The following UBE2Q2 variants were observed in gnomAD, a reference collection of about 807,000 sequenced individuals.
UBE2Q2 encodes ubiquitin-conjugating enzyme E2 Q2.
In UBE2Q2, 54 loss-of-function variants were observed where a neutral mutation model predicts 59.9. The observed-to-expected ratio is 0.90, with a 90% CI of 0.72 to 1.13. UBE2Q2 has a LOEUF of 1.13. Among genes scored for constraint, UBE2Q2 ranks in the 50% most tolerant of loss-of-function variants. UBE2Q2 has a pLI of 0.00. For missense variants in UBE2Q2, 433 were observed against 441.9 expected, an observed-to-expected ratio of 0.98 and a Z score of 0.18; for synonymous variants, 165 against 155.2, an observed-to-expected ratio of 1.06 and a Z score of -0.47.
chr15:75,879,477 T>A (rs947552344), intron 8 of UBE2Q2, among the ~76,000 whole-genome samples: 2 of 152,208 alleles, frequency 1.3e-5, no homozygotes, highest in African/African-American at 2.4e-5. Flanking sequence ...TGGGACAAGA[T>A]GGGTGGATCT....
Position 75,843,589 on chromosome 15 carries a change from T to A in UBE2Q2, c.-78T>A. 7.8e-6 allele frequency: 10 copies of A among 1,283,948 alleles called. No individual in the cohort carries two copies. Among genetic ancestry groups the A allele is most frequent in the Non-Finnish European group, 1.0e-5 (10 of 970,010 alleles). The allele number at this position is 1,283,948 out of a possible 1,614,324, so 79.5% of individuals were successfully genotyped here. On this transcript the variant is annotated 5_prime_UTR_variant, in exon 1 of 13. Transcript: ENST00000267938. ...CGGCCCCGCGGGGCGGTCGCGGCCG[T>A]GACGGCGGCTCCGGGCCCGGCTCCC... is the stretch of plus-strand genomic sequence containing the variant.
chr15:75,857,628 C>A (rs1206825842), intron 2 of UBE2Q2, among the ~76,000 whole-genome samples: 1 of 152,114 alleles, frequency 6.6e-6, no homozygotes, highest in Non-Finnish European at 1.5e-5. Context: ...ATTGACCCCT[C>A]TGCAGTATTT....
At chr15:75,870,820 C>T (rs971100933) in intron 4 of UBE2Q2, among the ~76,000 whole-genome samples, 3 of 152,076 alleles carry the variant, frequency 2.0e-5, no homozygotes, top group African/African-American at 4.8e-5. Flanking sequence ...GTCTTGAATT[C>T]GAGACAGGTG....
At chr15:75,879,692 C>T (rs989482934) in intron 8 of UBE2Q2, among the ~76,000 whole-genome samples, 1 of 151,970 alleles carries the variant, frequency 6.6e-6, no homozygotes, top group Admixed American at 6.6e-5. Context: ...CAAAGGGCCA[C>T]AGAACATAAA....
chr15:75,875,290 A>G (rs1898014791), intron 5 of UBE2Q2, among the ~76,000 whole-genome samples: 2 of 28,398 alleles, frequency 7.0e-5, no homozygotes, highest in South Asian at 4.7e-3. Context: ...GAGCTAGGAA[A>G]CTTGATTTTT....
At position 75,876,173 on chromosome 15, in the gene UBE2Q2, C is replaced by T. The variant is rs1364707572; in HGVS notation, c.589-14C>T. 3 of 1,612,632 alleles carry T rather than the reference C, an allele frequency of 1.9e-6. No individual in the cohort carries two copies. Among genetic ancestry groups the T allele is most frequent in the Non-Finnish European group, 2.5e-6 (3 of 1,179,436 alleles). ...CTCAGCAGACCCTGGTAAACAGTGG[C>T]TTTTGTGTTTCAGGGTGCAGTGTCT... On this transcript the variant is annotated splice_polypyrimidine_tract_variant and intron_variant, in intron 5 of 12. Coordinates refer to ENST00000267938, the MANE Select transcript of UBE2Q2 (RefSeq NM_173469.4).
At chr15:75,887,475 C>T (rs77078223) in intron 9 of UBE2Q2, among the ~76,000 whole-genome samples, 1 of 151,800 alleles carries the variant, frequency 6.6e-6, no homozygotes, top group Non-Finnish European at 1.5e-5. Context: ...AGCTATAACA[C>T]AAGGAGGGTA....
chr15:75,881,458 AC>A (rs1898423575), intron 8 of UBE2Q2, among the ~76,000 whole-genome samples: 1 of 152,088 alleles, frequency 6.6e-6, no homozygotes, highest in African/African-American at 2.4e-5. Context: ...GTGTTTCTGG[AC>A]CATGGCTCCT....
In UBE2Q2 at chr15:75,891,012, A is replaced by G; in HGVS notation, c.1027A>G (p.Lys343Glu). Residue 343 changes from lysine to glutamate, a missense_variant and splice_region_variant, in exon 11 of 13, where the codon AAG becomes GAG. Physicochemically the swap from Lys to Glu is moderately conservative, Grantham distance 56. Coordinates refer to ENST00000267938, the MANE Select transcript of UBE2Q2 (RefSeq NM_173469.4). Reference protein sequence around the residue: ...GKARVQFGANKNQYNLARAQQ... With the variant: ...GKARVQFGANENQYNLARAQQ... The stretch of plus-strand genomic sequence containing the variant: ...AGCCAGAGTGCAGTTTGGAGCAAAT[A>G]AGGTACTTCTGTTAAGAATTTTACA... The G allele has an allele frequency of 6.2e-7, 1 of 1,610,714 alleles. No homozygotes were observed. The highest frequency in any genetic ancestry group is 8.5e-7 in the Non-Finnish European group (1 of 1,178,714).
chr15:75,895,903 A>G (rs1899393841), intron 11 of UBE2Q2, among the ~76,000 whole-genome samples: 3 of 152,230 alleles, frequency 2.0e-5, no homozygotes, highest in Admixed American at 2.0e-4. Context: ...CTCAGCAGAT[A>G]TACGTACAAG....
At position 75,899,380 on chromosome 15, in the gene UBE2Q2, A is replaced by G. The variant is rs369673866; in HGVS notation, c.1097-47A>G. On this transcript the variant is annotated intron_variant, in intron 12 of 12. Coordinates refer to ENST00000267938, the MANE Select transcript of UBE2Q2 (RefSeq NM_173469.4). ...ACCTTATTACATGCCAGTTCTTCTA[A>G]TTTATTTAAGAATTATTTTAACTTT... 53 of 1,448,156 alleles carry G rather than the reference A, an allele frequency of 3.7e-5. No individual in the cohort carries two copies. The African/African-American group carries it at 7.6e-4, about 21-fold the overall frequency. The allele number at this position is 1,448,156 out of a possible 1,614,324, so 89.7% of individuals were successfully genotyped here.
At chr15:75,879,073 C>G (rs760975216) in intron 7 of UBE2Q2, 25 bp from the exon 8 acceptor site, 3 of 1,472,010 alleles carry the variant, frequency 2.0e-6, no homozygotes, top group Non-Finnish European at 2.7e-6. Context: ...TTTATTTGAA[C>G]TGTTTTTTGT....
chr15:75,846,562 A>G (rs1020160446), intron 1 of UBE2Q2, among the ~76,000 whole-genome samples: 1 of 152,192 alleles, frequency 6.6e-6, no homozygotes, highest in Non-Finnish European at 1.5e-5. Flanking sequence ...ATAAAATGAC[A>G]TGGCTTGTTC....
intron 5 of UBE2Q2, among the ~76,000 whole-genome samples, chr15:75,873,970 C>T (rs1157178435): frequency 3.3e-5 from 5 of 152,144 alleles, no homozygotes; most frequent in African/African-American, 1.2e-4. Context: ...ACTGGGATTA[C>T]AGGCATGAGC....
At chr15:75,865,516 A>G (rs1264235024) in intron 3 of UBE2Q2, among the ~76,000 whole-genome samples, 1 of 152,068 alleles carries the variant, frequency 6.6e-6, no homozygotes, top group Non-Finnish European at 1.5e-5. Flanking sequence ...CTGTGCCAGC[A>G]TTTCTCTGGG....
At chr15:75,897,703 T>C (rs74024016) in intron 12 of UBE2Q2, among the ~76,000 whole-genome samples, 5,402 of 151,788 alleles carry the variant, frequency 0.036, 170 homozygotes, top group African/African-American at 0.081. Flanking sequence ...CTTGTTGTTA[T>C]AACTGGAGTG....
At chr15:75,855,766 G>A (rs1370008653) in intron 2 of UBE2Q2, among the ~76,000 whole-genome samples, 1 of 152,202 alleles carries the variant, frequency 6.6e-6, no homozygotes, top group East Asian at 1.9e-4. Flanking sequence ...CAACTTAGAT[G>A]TGCACGACTT....
chr15:75,875,721 T>G (rs1171597390), intron 5 of UBE2Q2, among the ~76,000 whole-genome samples: 1 of 152,188 alleles, frequency 6.6e-6, no homozygotes, highest in East Asian at 1.9e-4. Flanking sequence ...TTTAATATCC[T>G]CTTGAAACTT....
At chr15:75,844,133 G>A in intron 1 of UBE2Q2, 1 of 1,413,830 alleles carries the variant, frequency 7.1e-7, no homozygotes, top group Non-Finnish European at 9.2e-7. Context: ...GGAGTCCGCG[G>A]CGGCCCAAGC....
Sources: allele counts gnomAD v4.1 joint callset (sites outside exome capture counted in the v4.1 genomes callset), GRCh38; gene constraint gnomAD v4.1.1; transcripts MANE v1.5; gene names NCBI Gene and HGNC (gene_info 2026-07-23, HGNC 2026-07-21).